Variants in SMCO1 observed in about 807,000 individuals in gnomAD.
SMCO1 encodes single-pass membrane protein with coiled-coil domains 1.
SMCO1 carries 9 observed loss-of-function variants against 7.5 expected under a neutral mutation model. That is an observed-to-expected ratio of 1.20 (90% CI 0.72 to 2.09). The LOEUF (loss-of-function observed/expected upper bound fraction) is 2.09, where lower values mean the gene tolerates loss of function less well. Among genes scored for constraint, SMCO1 ranks in the 30% most tolerant of loss-of-function variants. The pLI, the probability that SMCO1 is intolerant of heterozygous loss-of-function variation, is 0.00. For synonymous variants in SMCO1, 90 were observed against 93.8 expected (o/e 0.96, Z 0.23); for missense variants, 219 against 253.1 (o/e 0.87, Z 0.91).
upstream of SMCO1, among the ~76,000 whole-genome samples, chr3:196,517,046 C>T (rs1239398419): frequency 8.3e-6 from 1 of 120,214 alleles, no homozygotes; most frequent in African/African-American, 3.3e-5. Context: ...TTGCAGTGAG[C>T]AGAAATAGCA....
At chr3:196,511,337 G>A (rs1423707075) in intron 1 of SMCO1, among the ~76,000 whole-genome samples, 1 of 150,790 alleles carries the variant, frequency 6.6e-6, no homozygotes, top group Non-Finnish European at 1.5e-5. Flanking sequence ...AAACTTGCCT[G>A]CGCCAAGTAG....
At chr3:196,508,362 G>A (rs761017669) in intron 2 of SMCO1, 31 bp from the exon 3 acceptor site, 34 of 1,536,712 alleles carry the variant, frequency 2.2e-5, no homozygotes, top group South Asian at 6.3e-5. Context: ...TTCTTAAGCG[G>A]TCAAAAATAT....
rs551496314 is a variant in SMCO1 at position 196,515,251 on chromosome 3, C to CA, written c.-43dup. ...GAAAGAAAACAAAAACAAAGCAAAACAAAAAAAGCAATAAATGTTTGAATC... is the reference window on the plus strand; with the variant it reads ...GAAAGAAAACAAAAACAAAGCAAAACAAAAAAAAGCAATAAATGTTTGAATC... On this transcript the variant is annotated 5_prime_UTR_variant, in exon 1 of 3. Transcript: ENST00000397537. 3.3e-3 allele frequency: 4,828 copies of CA among 1,481,074 alleles called. 18 individuals carry two copies. Among genetic ancestry groups the CA allele is most frequent in the South Asian group, 4.6e-3 (407 of 87,606 alleles). 91.7% of individuals were successfully genotyped at this position (1,481,074 alleles called of 1,614,324 possible). A position where few individuals can be genotyped will look rare whatever the true frequency, so the allele number is the denominator to read the frequency against.
the SMCO1 span, among the ~76,000 whole-genome samples, chr3:196,520,783 T>C: frequency 1.3e-5 from 2 of 152,192 alleles, no homozygotes; most frequent in African/African-American, 4.8e-5. Context: ...AAGGATTACC[T>C]AGGTGCTGAG....
upstream of SMCO1, among the ~76,000 whole-genome samples, chr3:196,519,774 A>G (rs1218968929): frequency 6.6e-6 from 1 of 152,168 alleles, no homozygotes; most frequent in African/African-American, 2.4e-5. Context: ...TCTAGGAAAT[A>G]AAAGGGGAAC....
At chr3:196,520,639 G>A in the SMCO1 span, among the ~76,000 whole-genome samples, 4 of 152,124 alleles carry the variant, frequency 2.6e-5, no homozygotes, top group Non-Finnish European at 4.4e-5. Context: ...TGACGACCCC[G>A]ATAGATATAT....
chr3:196,520,151 C>T (rs1308694260), upstream of SMCO1, among the ~76,000 whole-genome samples: 9 of 152,152 alleles, frequency 5.9e-5, 1 homozygote, highest in Admixed American at 5.2e-4. Context: ...AAGGGCATGG[C>T]CTTCTTACCA....
intron 1 of SMCO1, among the ~76,000 whole-genome samples, chr3:196,512,552 G>A (rs933087256): frequency 8.9e-5 from 11 of 123,860 alleles, no homozygotes; most frequent in Admixed American, 2.0e-4. Flanking sequence ...TTGCTCTGTC[G>A]CCAGGCTGGA....
At chr3:196,517,600 A>G (rs139158550), upstream of SMCO1, among the ~76,000 whole-genome samples, 1 of 139,630 alleles carries the variant, frequency 7.2e-6, no homozygotes, top group Non-Finnish European at 1.5e-5. Flanking sequence ...ACCTTTCCCT[A>G]TACATATCTA....
chr3:196,517,104 CAAAAAAAAAA>C (rs56104987), upstream of SMCO1, among the ~76,000 whole-genome samples: 52 of 35,732 alleles, frequency 1.5e-3, no homozygotes, highest in African/African-American at 7.8e-3. Flanking sequence ...GACTCCATCG[CAAAAAAAAAA>C]AAAAAAAAAA....
Position 196,509,760 on chromosome 3 carries a change from C to A in SMCO1, c.51-91G>T, listed in dbSNP as rs137936453. On this transcript the variant is annotated intron_variant, in intron 1 of 2. Transcript: ENST00000397537. The stretch of plus-strand genomic sequence containing the variant: ...TGAGGCTCTAATACATTATTTACAA[C>A]CATTACCAAATTTGGATAACTTTTT... The A allele has an allele frequency of 7.9e-4, 864 of 1,099,358 alleles. 6 individuals carry two copies. In the African/African-American group the frequency reaches 0.012, roughly 16 times the overall value. 68.1% of individuals were successfully genotyped at this position (1,099,358 alleles called of 1,614,324 possible).
At chr3:196,511,349 T>C (rs1299815252) in intron 1 of SMCO1, among the ~76,000 whole-genome samples, 1 of 149,560 alleles carries the variant, frequency 6.7e-6, no homozygotes, top group Non-Finnish European at 1.5e-5. Context: ...GCCAAGTAGA[T>C]TGTTGTTATG....
chr3:196,510,567 A>G (rs1324295138), intron 1 of SMCO1, among the ~76,000 whole-genome samples: 1 of 152,064 alleles, frequency 6.6e-6, no homozygotes, highest in African/African-American at 2.4e-5. Flanking sequence ...TGTGGTTCCA[A>G]GCTTACATAT....
intron 1 of SMCO1, among the ~76,000 whole-genome samples, chr3:196,514,484 C>G (rs1733330385): frequency 6.6e-6 from 1 of 152,150 alleles, no homozygotes; most frequent in African/African-American, 2.4e-5. Context: ...TTGGTTGATC[C>G]TCCCTTCATG....
upstream of SMCO1, among the ~76,000 whole-genome samples, chr3:196,518,584 G>GAGACAAAGGACCCTGGCACA (rs569050910): frequency 8.7e-3 from 1,325 of 152,254 alleles, 16 homozygotes; most frequent in Middle Eastern, 0.02. Context: ...CAAAGTGCTG[G>GAGACAAAGGACCCTGGCACA]AGACAAAGGA....
At chr3:196,515,068 G>T in intron 1 of SMCO1, 92 bp downstream of exon 1, 1 of 1,420,346 alleles carries the variant, frequency 7.0e-7, no homozygotes, top group Non-Finnish European at 1.0e-6. Context: ...GAGCATGTCT[G>T]CAGTTCTTTA....
At chr3:196,517,104 C>CAAAAAAAAAAAAAAAAAAAAA (rs56104987), upstream of SMCO1, among the ~76,000 whole-genome samples, 2 of 35,738 alleles carry the variant, frequency 5.6e-5, 1 homozygote, top group African/African-American at 3.2e-4. Context: ...GACTCCATCG[C>CAAAAAAAAAAAAAAAAAAAAA]AAAAAAAAAA....
In SMCO1 at chr3:196,509,642, T is replaced by TTC; in HGVS notation, c.76_77dup (p.Thr27LysfsTer7). Reference sequence around the variant, plus strand: ...TGAAGTCTAGTTCTTTGAACTGTGTTTCTAACGCTTGGAGTTTGTGGTCTA... The same window carrying TTC: ...TGAAGTCTAGTTCTTTGAACTGTGTTTCTCTAACGCTTGGAGTTTGTGGTCTA... On this transcript the variant is annotated frameshift_variant, in exon 2 of 3. Coordinates refer to ENST00000397537, the MANE Select transcript of SMCO1 (RefSeq NM_001077657.3). LOFTEE classifies it high-confidence loss of function. The TTC allele has an allele frequency of 6.2e-7, 1 of 1,614,118 alleles. No homozygotes were observed. Among genetic ancestry groups the TTC allele is most frequent in the Non-Finnish European group, 8.5e-7 (1 of 1,179,970 alleles).
upstream of SMCO1, among the ~76,000 whole-genome samples, chr3:196,517,611 A>G (rs1209493954): frequency 6.9e-6 from 1 of 144,304 alleles, no homozygotes; most frequent in East Asian, 2.2e-4. Flanking sequence ...TACATATCTA[A>G]CAGCACCCCC....
Sources: gnomAD v4.1 joint callset for allele counts (sites outside exome capture counted in the v4.1 genomes callset) on GRCh38, gnomAD v4.1.1 for gene constraint, MANE v1.5 for transcripts, NCBI Gene and HGNC (gene_info 2026-07-23, HGNC 2026-07-21) for gene names.